The following TKFC variants were observed in gnomAD, a reference collection of about 807,000 sequenced individuals.
TKFC encodes the protein triokinase/FMN cyclase.
A neutral mutation model predicts 61.0 loss-of-function variants in TKFC; 46 were observed. The ratio of observed to expected loss-of-function variants is 0.75; its 90% CI spans 0.60 to 0.96. The LOEUF is 0.96. Ranked by LOEUF, TKFC falls within the 50% of genes least tolerant of loss-of-function variation. The pLI is 0.00. For missense variants in TKFC, 715 were observed against 777.5 expected (o/e 0.92, Z 0.96); for synonymous variants, 314 against 330.1 (o/e 0.95, Z 0.53).
At chr11:61,343,714 A>G (rs1856975592) in intron 11 of TKFC, 142 bp from the exon 12 acceptor site, 3 of 1,258,468 alleles carry the variant, frequency 2.4e-6, no homozygotes, top group Non-Finnish European at 3.3e-6. Flanking sequence ...GTAGGCACTC[A>G]GTCCATGCTT....
In TKFC at chr11:61,348,337, A is replaced by G; in HGVS notation, c.*1834A>G. On this transcript the variant is annotated 3_prime_UTR_variant, in exon 18 of 18. Coordinates refer to ENST00000394900, the MANE Select transcript of TKFC (RefSeq NM_015533.4). Reference sequence around the variant, plus strand: ...AGCTGCATGTGAATCCACACATGCCATTCCATGAAGACAGAGGATCATGTG... The same window carrying G: ...AGCTGCATGTGAATCCACACATGCCGTTCCATGAAGACAGAGGATCATGTG... 1 of 876,380 alleles carries G rather than the reference A, an allele frequency of 1.1e-6. No homozygotes were observed. The allele number at this position is 876,380 out of a possible 1,614,324, so 54.3% of individuals were successfully genotyped here. A position where few individuals can be genotyped will look rare whatever the true frequency, so the allele number is the denominator to read the frequency against.
At position 61,348,518 on chromosome 11, in the gene TKFC, C is replaced by T. The variant is rs1857250035; in HGVS notation, c.*2015C>T. 1.0e-6 allele frequency: 1 copy of T among 984,558 alleles called. No homozygotes were observed. The highest frequency in any genetic ancestry group is 1.2e-6 in the Non-Finnish European group (1 of 829,176). The allele number at this position is 984,558 out of a possible 1,614,324, so 61.0% of individuals were successfully genotyped here. ...TGAATGTTTGTGTCCCCCCCAAATT[C>T]CTGTGTTGAAAGGCTCACCCCCACT... On this transcript the variant is annotated 3_prime_UTR_variant, in exon 18 of 18. Coordinates refer to ENST00000394900, the MANE Select transcript of TKFC (RefSeq NM_015533.4).
intron 5 of TKFC, among the ~76,000 whole-genome samples, chr11:61,340,084 C>T (rs1449475833): frequency 6.6e-6 from 1 of 152,102 alleles, no homozygotes; most frequent in African/African-American, 2.4e-5. Flanking sequence ...GATCTTGGCT[C>T]ACTGCAGTCT....
rs1400338743 is a variant in TKFC, at chr11:61,339,095, G to A, written c.223G>A (p.Val75Ile). The change falls in exon 4 of 18, where the codon GTC (valine) becomes ATC (isoleucine). Residue 75 changes from valine (V) to isoleucine (I), a missense_variant. Transcript: ENST00000394900. ...GFIGKGMLTG[V>I]IAGAVFTSPA... The stretch of plus-strand genomic sequence containing the variant: ...CATAGGGAAGGGGATGCTGACTGGG[G>A]TCATCGCGGGAGCTGTGTTCACCTC... 1 of 1,613,506 alleles carries A rather than the reference G, an allele frequency of 6.2e-7. No individual in the cohort carries two copies. The highest frequency in any genetic ancestry group is 1.3e-5 in the African/African-American group (1 of 74,940).
At chr11:61,350,198 C>G, downstream of TKFC, 1 of 661,014 alleles carries the variant, frequency 1.5e-6, no homozygotes, top group Middle Eastern at 4.2e-4. Context: ...GCAGGCCCAG[C>G]ACCCAGGCAA....
downstream of TKFC, chr11:61,349,815 G>C: frequency 1.6e-6 from 1 of 608,198 alleles, no homozygotes. Context: ...GATGGGGCTG[G>C]ATGGCAGAGC....
chr11:61,341,110 G>A (rs1856832255), intron 5 of TKFC, among the ~76,000 whole-genome samples: 1 of 152,126 alleles, frequency 6.6e-6, no homozygotes, highest in Non-Finnish European at 1.5e-5. Flanking sequence ...GGCTATGGGA[G>A]AGAGAACTCT....
downstream of TKFC, chr11:61,350,612 G>T: frequency 2.9e-6 from 2 of 684,920 alleles, no homozygotes; most frequent in Non-Finnish European, 2.5e-6. Flanking sequence ...GACCTGCTCT[G>T]AGCACTCAGC....
downstream of TKFC, chr11:61,351,193 T>A: frequency 1.3e-6 from 2 of 1,553,306 alleles, no homozygotes; most frequent in Non-Finnish European, 1.7e-6. Context: ...TTTTTCCACC[T>A]ATTTTTGTCT....
At chr11:61,350,461 A>T, downstream of TKFC, 2 of 1,608,508 alleles carry the variant, frequency 1.2e-6, no homozygotes, top group South Asian at 2.2e-5. Flanking sequence ...TAATGACATG[A>T]TGCAGGAGTC....
intron 3 of TKFC, among the ~76,000 whole-genome samples, chr11:61,338,447 ACT>A (rs1856708244): frequency 6.6e-6 from 1 of 151,590 alleles, no homozygotes; most frequent in Non-Finnish European, 1.5e-5. Context: ...AGGCTTCCTG[ACT>A]CTTCCAGCCT....
At chr11:61,352,286 C>G (rs1272040801), downstream of TKFC, 1 of 143,814 alleles carries the variant, frequency 7.0e-6, no homozygotes, top group African/African-American at 2.5e-5. Context: ...GGGTAAGTTA[C>G]GTAACCCCTC....
At chr11:61,341,592 G>A (rs1179385602) in intron 6 of TKFC, 78 bp downstream of exon 6, 3 of 1,488,830 alleles carry the variant, frequency 2.0e-6, no homozygotes, top group Non-Finnish European at 2.7e-6. Flanking sequence ...GTTCCTGTTG[G>A]CTGCCTAGCG....
At position 61,347,880 on chromosome 11, in the gene TKFC, A is replaced by T. The variant is rs1857217352; in HGVS notation, c.*1377A>T. ...TGGGCCATAAAGCCCAGCACAGTCC[A>T]AGTGCTCACTCACTGAGAGTTACGG... On this transcript the variant is annotated 3_prime_UTR_variant, in exon 18 of 18. Coordinates refer to ENST00000394900, the MANE Select transcript of TKFC (RefSeq NM_015533.4). 1.0e-6 allele frequency: 1 copy of T among 984,588 alleles called. No homozygotes were observed. Among genetic ancestry groups the T allele is most frequent in the Non-Finnish European group, 1.2e-6 (1 of 829,220 alleles). The allele number at this position is 984,588 out of a possible 1,614,324, so 61.0% of individuals were successfully genotyped here.
chr11:61,342,012 G>T (rs1856877240), intron 7 of TKFC, 100 bp downstream of exon 7: 4 of 1,186,112 alleles, frequency 3.4e-6, no homozygotes, highest in East Asian at 4.7e-5. Context: ...CCTCTCCCCA[G>T]GTGGTCTTAG....
intron 7 of TKFC, among the ~76,000 whole-genome samples, chr11:61,342,146 G>A (rs1484412614): frequency 6.6e-6 from 1 of 152,116 alleles, no homozygotes; most frequent in Non-Finnish European, 1.5e-5. Context: ...CCTAGCCTTT[G>A]CCTGCCATTC....
chr11:61,334,014 C>G (rs572415336), intron 1 of TKFC: 2 of 152,566 alleles, frequency 1.3e-5, no homozygotes, highest in East Asian at 3.9e-4. Context: ...CCAGGCTGAA[C>G]TGAGGAAAAG....
At chr11:61,335,111 G>A (rs992373444) in intron 2 of TKFC, among the ~76,000 whole-genome samples, 3 of 152,176 alleles carry the variant, frequency 2.0e-5, no homozygotes, top group African/African-American at 7.2e-5. Context: ...TATGTGGGCC[G>A]GTCTGGAGCT....
chr11:61,342,792 C>T lies in TKFC; in HGVS notation c.813C>T (p.Gly271=), dbSNP rs1327264620. ...TGATGATGGTCAACAACCTGGGTGG[C>T]CTGTCATTCCTGGAACTGGGCATCA... ...SVVMMVNNLG[G]LSFLELGIIA... The change falls in exon 10 of 18, where the codon GGC becomes GGT. Residue 271 remains glycine (G), a synonymous_variant. Transcript: ENST00000394900. The T allele has an allele frequency of 6.2e-7, 1 of 1,613,906 alleles. No homozygotes were observed. Among genetic ancestry groups the T allele is most frequent in the Non-Finnish European group, 8.5e-7 (1 of 1,180,040 alleles).
Sources: gnomAD v4.1 joint callset for allele counts (sites outside exome capture counted in the v4.1 genomes callset) on GRCh38, gnomAD v4.1.1 for gene constraint, MANE v1.5 for transcripts, NCBI Gene and HGNC (gene_info 2026-07-23, HGNC 2026-07-21) for gene names.